SCHIP1: variants seen among roughly 807,000 people sequenced by gnomAD.
SCHIP1 encodes schwannomin interacting protein 1, also known as schwannomin-interacting protein 1.
SCHIP1 carries 8 observed loss-of-function variants against 29.7 expected under a neutral mutation model. That is an observed-to-expected ratio of 0.27 (90% CI 0.16 to 0.49). The LOEUF (loss-of-function observed/expected upper bound fraction) is 0.49. Among genes scored for constraint, SCHIP1 ranks in the 20% least tolerant of loss-of-function variants. SCHIP1 has a pLI of 0.99. For missense variants in SCHIP1, 193 were observed against 294.6 expected (o/e 0.66, Z 2.52); for synonymous variants, 76 against 94.9 (o/e 0.80, Z 1.16).
At chr3:159,599,946 CTATT>C in the SCHIP1 span, among the ~76,000 whole-genome samples, 1 of 152,190 alleles carries the variant, frequency 6.6e-6, no homozygotes, top group African/African-American at 2.4e-5. Context: ...GTCTGGAAGA[CTATT>C]TCTCCTTCAT....
the SCHIP1 span, among the ~76,000 whole-genome samples, chr3:159,705,738 G>A: frequency 2.6e-5 from 4 of 152,090 alleles, no homozygotes; most frequent in Non-Finnish European, 5.9e-5. Context: ...ATGGAGTCTC[G>A]CTCTGTCGCC....
the SCHIP1 span, among the ~76,000 whole-genome samples, chr3:159,402,330 G>A: frequency 1.3e-5 from 2 of 152,200 alleles, no homozygotes; most frequent in Non-Finnish European, 1.5e-5. Context: ...TACAGTGTTG[G>A]TGGGACTGTA....
chr3:159,571,121 A>G, the SCHIP1 span, among the ~76,000 whole-genome samples: 7 of 152,118 alleles, frequency 4.6e-5, no homozygotes, highest in African/African-American at 1.4e-4. Context: ...TCCTAACTGA[A>G]TACCCTTTCT....
the SCHIP1 span, among the ~76,000 whole-genome samples, chr3:159,591,117 A>G: frequency 1.3e-5 from 2 of 152,180 alleles, no homozygotes; most frequent in African/African-American, 4.8e-5. Flanking sequence ...AGACCCCCAA[A>G]TGATATTCTG....
At chr3:159,436,933 A>G in the SCHIP1 span, among the ~76,000 whole-genome samples, 1 of 152,046 alleles carries the variant, frequency 6.6e-6, no homozygotes, top group African/African-American at 2.4e-5. Flanking sequence ...GCTATCATGG[A>G]AAGTGAATCA....
the SCHIP1 span, among the ~76,000 whole-genome samples, chr3:159,766,836 T>G: frequency 6.6e-5 from 10 of 152,286 alleles, no homozygotes; most frequent in East Asian, 1.9e-3. Context: ...AACTTAAAAT[T>G]TGATGGCTTA....
chr3:159,365,565 A>G, the SCHIP1 span, among the ~76,000 whole-genome samples: 1 of 152,188 alleles, frequency 6.6e-6, no homozygotes, highest in African/African-American at 2.4e-5. Flanking sequence ...TGTCTAGAAC[A>G]GTGCCTGGCA....
the SCHIP1 span, among the ~76,000 whole-genome samples, chr3:159,588,968 A>G: frequency 6.6e-6 from 1 of 152,116 alleles, no homozygotes; most frequent in African/African-American, 2.4e-5. Flanking sequence ...TTGCATATGA[A>G]ATTTAAAGTA....
the SCHIP1 span, among the ~76,000 whole-genome samples, chr3:159,603,756 T>C: frequency 6.6e-6 from 1 of 152,188 alleles, no homozygotes; most frequent in African/African-American, 2.4e-5. Flanking sequence ...TAGGATTGGG[T>C]AATTTATAAA....
At chr3:159,420,321 G>A in the SCHIP1 span, among the ~76,000 whole-genome samples, 3 of 152,188 alleles carry the variant, frequency 2.0e-5, no homozygotes, top group East Asian at 1.9e-4. Context: ...GGAAAAGCGC[G>A]ATCTTTCTGG....
At chr3:159,280,710 C>CT in the SCHIP1 span, among the ~76,000 whole-genome samples, 6 of 152,142 alleles carry the variant, frequency 3.9e-5, no homozygotes, top group Admixed American at 1.3e-4. Flanking sequence ...TCAACATTAG[C>CT]TTTGAGGGCT....
the SCHIP1 span, among the ~76,000 whole-genome samples, chr3:159,821,782 T>C: frequency 6.6e-6 from 1 of 152,260 alleles, no homozygotes; most frequent in African/African-American, 2.4e-5. Context: ...TTACAGCTTC[T>C]CTTTGGCATA....
chr3:159,744,884 C>T, the SCHIP1 span, among the ~76,000 whole-genome samples: 1 of 152,110 alleles, frequency 6.6e-6, no homozygotes, highest in Non-Finnish European at 1.5e-5. Flanking sequence ...ACTCGGGAGG[C>T]TGAGGCAGGA....
At chr3:159,404,084 C>A in the SCHIP1 span, among the ~76,000 whole-genome samples, 5 of 152,182 alleles carry the variant, frequency 3.3e-5, no homozygotes, top group Non-Finnish European at 7.3e-5. Flanking sequence ...GGATCCATAA[C>A]CTACTGACTA....
chr3:159,520,335 A>G, the SCHIP1 span, among the ~76,000 whole-genome samples: 1 of 152,154 alleles, frequency 6.6e-6, no homozygotes, highest in Non-Finnish European at 1.5e-5. Flanking sequence ...GCAGATGAGC[A>G]GCAATGACTA....
the SCHIP1 span, among the ~76,000 whole-genome samples, chr3:159,329,863 G>A: frequency 1.3e-4 from 20 of 149,176 alleles, no homozygotes; most frequent in South Asian, 4.2e-4. Flanking sequence ...GCACAGCACC[G>A]TTAGTATTTT....
At chr3:159,645,210 T>A in the SCHIP1 span, among the ~76,000 whole-genome samples, 524 of 152,278 alleles carry the variant, frequency 3.4e-3, 6 homozygotes, top group African/African-American at 0.012. Context: ...GCCACGGCTC[T>A]GGCACAAACC....
chr3:159,587,506 C>G, the SCHIP1 span, among the ~76,000 whole-genome samples: 1 of 152,080 alleles, frequency 6.6e-6, no homozygotes, highest in African/African-American at 2.4e-5. Flanking sequence ...TTCTAGGGTA[C>G]ACGTGCACAA....
the SCHIP1 span, among the ~76,000 whole-genome samples, chr3:159,639,190 AATC>A: frequency 1.3e-5 from 2 of 152,186 alleles, no homozygotes; most frequent in African/African-American, 4.8e-5. Flanking sequence ...TATCAGATCA[AATC>A]ATTATTGTTA....
Sources: allele counts gnomAD v4.1 joint callset (sites outside exome capture counted in the v4.1 genomes callset), GRCh38; gene constraint gnomAD v4.1.1; transcripts MANE v1.5; gene names NCBI Gene and HGNC (gene_info 2026-07-23, HGNC 2026-07-21).